PTRH2: variants seen among roughly 807,000 people sequenced by gnomAD.
PTRH2 encodes peptidyl-tRNA hydrolase 2, mitochondrial.
Under a neutral mutation model 12.3 loss-of-function variants are expected in PTRH2, and 10 were observed. The ratio of observed to expected loss-of-function variants is 0.81; its 90% CI spans 0.50 to 1.38. The LOEUF (loss-of-function observed/expected upper bound fraction) is 1.38. Among genes scored for constraint, PTRH2 ranks in the 40% most tolerant of loss-of-function variants. The probability of loss-of-function intolerance (pLI) is 0.00; values close to 1 mark genes in which losing one functional copy is unlikely to be tolerated. For synonymous variants in PTRH2, 73 were observed against 77.4 expected (o/e 0.94, Z 0.30); for missense variants, 176 against 214.1 (o/e 0.82, Z 1.11).
At chr17:59,706,384 G>A (rs927077049) in intron 1 of PTRH2, among the ~76,000 whole-genome samples, 19 of 151,980 alleles carry the variant, frequency 1.3e-4, no homozygotes, top group African/African-American at 4.6e-4. Context: ...CTCACTATGT[G>A]GCCCCCTATG....
rs763600816 is a variant in PTRH2 at position 59,697,878 on chromosome 17, C to T, written c.101G>A (p.Arg34Gln). 5.9e-5 allele frequency: 95 copies of T among 1,614,026 alleles called. No homozygotes were observed. Among genetic ancestry groups the T allele is most frequent in the Non-Finnish European group, 7.1e-5 (84 of 1,180,036 alleles). Residue 34 changes from arginine to glutamine, a missense_variant, in exon 2 of 2, where the codon CGA (arginine) becomes CAA (glutamine). Arg to Gln is a conservative substitution (Grantham distance 43). Coordinates refer to ENST00000393038, the MANE Select transcript of PTRH2 (RefSeq NM_016077.5). ...ACGMCLGWSL[R>Q]VCFGMLPKSK... ...TTTGGGGAGCATCCCAAAGCATACTCGAAGGCTCCAGCCCAGGCACATGCC... is the reference window on the plus strand; with the variant it reads ...TTTGGGGAGCATCCCAAAGCATACTTGAAGGCTCCAGCCCAGGCACATGCC...
At chr17:59,698,236 A>C (rs1039501376) in intron 1 of PTRH2, 1 of 496,956 alleles carries the variant, frequency 2.0e-6, no homozygotes, top group Non-Finnish European at 3.6e-6. Flanking sequence ...TAAAGTTCAA[A>C]AACTCTATTC....
chr17:59,697,915 C>T lies in PTRH2; in HGVS notation c.64G>A (p.Gly22Arg). Reference sequence around the variant, plus strand: ...CCCAGGCACATGCCACAAGCAACTCCAACAGCCAAGCCGAGTGTACTGGGA... The same window carrying T: ...CCCAGGCACATGCCACAAGCAACTCTAACAGCCAAGCCGAGTGTACTGGGA... ...AHPSTLGLAV[G>R]VACGMCLGWS... Residue 22 changes from glycine (G) to arginine (R), a missense_variant, in exon 2 of 2, where the codon GGA becomes AGA. By Grantham distance (125) the Gly-to-Arg change is moderately radical (BLOSUM62 -2). Transcript: ENST00000393038. The T allele has an allele frequency of 6.2e-7, 1 of 1,614,084 alleles. No individual in the cohort carries two copies. Among genetic ancestry groups the T allele is most frequent in the Admixed American group, 1.7e-5 (1 of 60,014 alleles).
intron 1 of PTRH2, among the ~76,000 whole-genome samples, chr17:59,704,275 TTAA>T (rs1325255743): frequency 6.6e-6 from 1 of 152,160 alleles, no homozygotes; most frequent in African/African-American, 2.4e-5. Flanking sequence ...AAGGGAGAAG[TTAA>T]TAATGACAGC....
intron 1 of PTRH2, among the ~76,000 whole-genome samples, chr17:59,706,238 G>A (rs947261980): frequency 3.3e-5 from 5 of 152,142 alleles, no homozygotes; most frequent in African/African-American, 9.7e-5. Flanking sequence ...AACAAAATAA[G>A]TACATCCTAT....
intron 1 of PTRH2, chr17:59,698,439 G>A (rs1307261394): frequency 9.1e-6 from 2 of 218,684 alleles, no homozygotes; most frequent in Non-Finnish European, 9.2e-6. Context: ...GGCCTGGAGT[G>A]AGGTGCACTA....
intron 1 of PTRH2, among the ~76,000 whole-genome samples, chr17:59,705,659 C>T (rs544397435): frequency 8.5e-4 from 130 of 152,232 alleles, no homozygotes; most frequent in African/African-American, 2.7e-3. Context: ...GAACTCCTGG[C>T]CTCAAGGAGT....
chr17:59,697,738 T>A lies in PTRH2; in HGVS notation c.241A>T (p.Lys81Ter). The A allele has an allele frequency of 6.2e-7, 1 of 1,614,202 alleles. No individual in the cohort carries two copies. Among genetic ancestry groups the A allele is most frequent in the Non-Finnish European group, 8.5e-7 (1 of 1,180,028 alleles). The change falls in exon 2 of 2, where the codon AAA (lysine) becomes TAA (stop). Residue 81 changes from lysine to a stop codon, truncating the protein, a stop_gained. Coordinates refer to ENST00000393038, the MANE Select transcript of PTRH2 (RefSeq NM_016077.5). LOFTEE classifies it high-confidence loss of function. Reference sequence around the variant, plus strand: ...GCATGAGAGCACTGGGCAGCCACTTTCCCTTTTCCCATCTTTAAGTCATTT... The same window carrying A: ...GCATGAGAGCACTGGGCAGCCACTTACCCTTTTCCCATCTTTAAGTCATTT... ...VRNDLKMGKG[K>*]VAAQCSHAAV...
At chr17:59,702,891 G>A (rs2033579127) in intron 1 of PTRH2, among the ~76,000 whole-genome samples, 1 of 152,158 alleles carries the variant, frequency 6.6e-6, no homozygotes, top group South Asian at 2.1e-4. Context: ...AACACTTGTA[G>A]GCCTTATGTT....
At chr17:59,700,970 T>C (rs141145925) in intron 1 of PTRH2, 3 of 152,314 alleles carry the variant, frequency 2.0e-5, no homozygotes, top group East Asian at 1.9e-4. Flanking sequence ...CAGAGGAATA[T>C]TGAAAGCATG....
intron 1 of PTRH2, chr17:59,700,661 C>CA (rs1298666459): frequency 6.6e-6 from 1 of 151,902 alleles, no homozygotes; most frequent in African/African-American, 2.4e-5. Context: ...TAAGGCGACA[C>CA]AGAGGAAAGC....
intron 1 of PTRH2, among the ~76,000 whole-genome samples, chr17:59,705,509 T>C (rs1305898131): frequency 6.6e-6 from 1 of 152,118 alleles, no homozygotes; most frequent in Non-Finnish European, 1.5e-5. Context: ...AGCCTCAAAC[T>C]CCTGGGCTTA....
At chr17:59,705,943 A>G (rs1272459053) in intron 1 of PTRH2, among the ~76,000 whole-genome samples, 1 of 151,970 alleles carries the variant, frequency 6.6e-6, no homozygotes, top group Non-Finnish European at 1.5e-5. Flanking sequence ...GATCAAAAAC[A>G]GGACAGTGAA....
chr17:59,697,488 C>A lies in PTRH2; in HGVS notation c.491G>T (p.Gly164Val). 6.2e-7 allele frequency: 1 copy of A among 1,614,096 alleles called. No homozygotes were observed. The highest frequency in any genetic ancestry group is 8.5e-7 in the Non-Finnish European group (1 of 1,179,980). ...GACTTTGTCAATTAGGTCTGCTGGTCCTGGCCCAATCCCTAGGACAGTTTG... is the reference window on the plus strand; with the variant it reads ...GACTTTGTCAATTAGGTCTGCTGGTACTGGCCCAATCCCTAGGACAGTTTG... ...GSQTVLGIGPGPADLIDKVTG... is the reference protein window; with the variant it reads ...GSQTVLGIGPVPADLIDKVTG... Residue 164 changes from glycine to valine, a missense_variant, in exon 2 of 2, where the codon GGA becomes GTA. Physicochemically the swap from Gly to Val is moderately radical, Grantham distance 109. Transcript: ENST00000393038.
chr17:59,700,394 G>A lies in PTRH2; in HGVS notation c.1-2416C>T, dbSNP rs868181802. On this transcript the variant is annotated intron_variant, in intron 1 of 1. Coordinates refer to ENST00000393038, the MANE Select transcript of PTRH2 (RefSeq NM_016077.5). Reference sequence around the variant, plus strand: ...ATTATCTAAGCATTTATAAACATGGGGCCACTATATTTGTAATGCACTGTA... The same window carrying A: ...ATTATCTAAGCATTTATAAACATGGAGCCACTATATTTGTAATGCACTGTA... 2.6e-5 allele frequency: 4 copies of A among 151,886 alleles called. No individual in the cohort carries two copies. In the South Asian group the frequency reaches 8.3e-4, roughly 32 times the overall value. 9.4% of individuals were successfully genotyped at this position (151,886 alleles called of 1,614,324 possible).
chr17:59,703,274 C>T (rs2033586216), intron 1 of PTRH2, among the ~76,000 whole-genome samples: 4 of 151,888 alleles, frequency 2.6e-5, no homozygotes, highest in Non-Finnish European at 1.5e-5. Context: ...TCCCTCCCAC[C>T]TCAGCCTCCC....
chr17:59,703,781 C>T (rs1348624972), intron 1 of PTRH2, among the ~76,000 whole-genome samples: 2 of 151,610 alleles, frequency 1.3e-5, no homozygotes, highest in African/African-American at 4.8e-5. Flanking sequence ...GCTGGGATTA[C>T]GGGCGTGAGC....
chr17:59,705,421 CTTT>C lies in PTRH2; in HGVS notation c.-1+1947_-1+1949del, dbSNP rs2033622468. Reference sequence around the variant, plus strand: ...GATCAAACAGAGAAGTTGCCTTTTTCTTTATTTTTTTTTAAAGAGAAGGGGTCT... The same window carrying C: ...GATCAAACAGAGAAGTTGCCTTTTTCATTTTTTTTTAAAGAGAAGGGGTCT... On this transcript the variant is annotated intron_variant, in intron 1 of 1. Coordinates refer to ENST00000393038, the MANE Select transcript of PTRH2 (RefSeq NM_016077.5). Among the ~76,000 whole-genome samples the C allele has an allele frequency of 3.3e-5, 5 of 151,818 alleles. No individual in the cohort carries two copies. The South Asian group carries it at 1.0e-3, about 32-fold the overall frequency.
chr17:59,697,811 T>C lies in PTRH2; in HGVS notation c.168A>G (p.Ala56=), dbSNP rs142925288. Reference sequence around the variant, plus strand: ...ACTCCCCGCTGTCTCCCAAGATGCTTGCTTCACTTTCAGTATCTGTGTGTG... The same window carrying C: ...ACTCCCCGCTGTCTCCCAAGATGCTCGCTTCACTTTCAGTATCTGTGTGTG... The part of the protein sequence containing the change: ...SKTHTDTESE[A]SILGDSGEYK... The change falls in exon 2 of 2, where the codon GCA becomes GCG. Residue 56 remains alanine, a synonymous_variant. Coordinates refer to ENST00000393038, the MANE Select transcript of PTRH2 (RefSeq NM_016077.5). 2.9e-4 allele frequency: 474 copies of C among 1,614,214 alleles called. 2 individuals carry two copies. In the African/African-American group the frequency reaches 5.3e-3, roughly 18 times the overall value.
Sources: allele counts gnomAD v4.1 joint callset (sites outside exome capture counted in the v4.1 genomes callset), GRCh38; gene constraint gnomAD v4.1.1; transcripts MANE v1.5; gene names NCBI Gene and HGNC (gene_info 2026-07-23, HGNC 2026-07-21).